PACRG: variants seen among roughly 807,000 people sequenced by gnomAD.
PACRG encodes the protein parkin coregulated gene protein.
A neutral mutation model predicts 29.7 loss-of-function variants in PACRG; 29 were observed. The ratio of observed to expected loss-of-function variants is 0.98; its 90% CI spans 0.73 to 1.33. PACRG has a LOEUF of 1.33. Ranked by LOEUF, PACRG falls within the 40% of genes most tolerant of loss-of-function variation. PACRG has a pLI of 0.00. For missense variants in PACRG, 279 were observed against 316.2 expected (o/e 0.88, Z 0.89); for synonymous variants, 116 against 118.7 (o/e 0.98, Z 0.15).
chr6:162,888,338 C>T (rs1024361342), intron 2 of PACRG, among the ~76,000 whole-genome samples: 1 of 152,138 alleles, frequency 6.6e-6, no homozygotes, highest in African/African-American at 2.4e-5. Flanking sequence ...CACGTGGTGC[C>T]AACCTAAGAC....
At chr6:163,264,178 G>C (rs535296682) in intron 4 of PACRG, among the ~76,000 whole-genome samples, 2 of 152,300 alleles carry the variant, frequency 1.3e-5, no homozygotes, top group East Asian at 3.9e-4. Flanking sequence ...AACTTCTCAC[G>C]TCGAATCATT....
chr6:163,225,915 A>C (rs577611490), intron 4 of PACRG, among the ~76,000 whole-genome samples: 6 of 152,304 alleles, frequency 3.9e-5, no homozygotes, highest in Non-Finnish European at 7.4e-5. Context: ...ACAGTGGCTC[A>C]TGCCTGTAAT....
At chr6:162,752,465 A>G (rs757771237) in intron 1 of PACRG, among the ~76,000 whole-genome samples, 27 of 152,186 alleles carry the variant, frequency 1.8e-4, no homozygotes, top group Non-Finnish European at 3.8e-4. Flanking sequence ...AATTTTCTGG[A>G]GGTTTCCATT....
chr6:162,835,868 G>A (rs902030043), intron 2 of PACRG, among the ~76,000 whole-genome samples: 12 of 152,116 alleles, frequency 7.9e-5, no homozygotes, highest in African/African-American at 2.2e-4. Flanking sequence ...AAATTGTAAT[G>A]AAAAGAATCA....
At chr6:163,269,890 AAAAC>A (rs1783699358) in intron 4 of PACRG, among the ~76,000 whole-genome samples, 1 of 23,816 alleles carries the variant, frequency 4.2e-5, no homozygotes, top group Non-Finnish European at 8.5e-5. Context: ...AGAAAGAAAG[AAAAC>A]AAAGAAAGAA....
chr6:163,199,234 A>C (rs1357071328), intron 4 of PACRG, among the ~76,000 whole-genome samples: 2 of 152,224 alleles, frequency 1.3e-5, no homozygotes, highest in Non-Finnish European at 2.9e-5. Context: ...AGCTCTGAGT[A>C]CTTAAAGAAT....
At chr6:163,045,149 G>T (rs943936287) in intron 2 of PACRG, among the ~76,000 whole-genome samples, 4 of 152,116 alleles carry the variant, frequency 2.6e-5, no homozygotes, top group African/African-American at 7.2e-5. Context: ...TGTGTTGTGG[G>T]TTCTCAGGAA....
At chr6:163,234,486 G>T (rs1001636886) in intron 4 of PACRG, among the ~76,000 whole-genome samples, 1 of 152,166 alleles carries the variant, frequency 6.6e-6, no homozygotes, top group Admixed American at 6.5e-5. Flanking sequence ...AGAAGCAGAT[G>T]CTGGTGCCAT....
intron 4 of PACRG, among the ~76,000 whole-genome samples, chr6:163,245,583 A>G (rs1427708130): frequency 1.3e-5 from 2 of 152,078 alleles, no homozygotes; most frequent in Non-Finnish European, 2.9e-5. Flanking sequence ...CTCTTCTCCT[A>G]TTTATCTGCA....
chr6:163,007,545 G>A (rs544957386), intron 2 of PACRG, among the ~76,000 whole-genome samples: 3 of 152,204 alleles, frequency 2.0e-5, no homozygotes, highest in African/African-American at 7.2e-5. Context: ...CTCAGCTTGG[G>A]AGACCACTGG....
chr6:163,141,009 A>G (rs1344382525), intron 4 of PACRG, among the ~76,000 whole-genome samples: 1 of 152,164 alleles, frequency 6.6e-6, no homozygotes, highest in Non-Finnish European at 1.5e-5. Context: ...AAATATGTAA[A>G]TTGTATCCTA....
intron 2 of PACRG, chr6:163,042,755 C>T (rs555323551): frequency 4.6e-5 from 7 of 151,128 alleles, no homozygotes; most frequent in South Asian, 2.1e-4. Context: ...GAGTGGCCTA[C>T]GGGTAAACTA....
chr6:163,169,835 G>A (rs2128346297), intron 4 of PACRG, among the ~76,000 whole-genome samples: 1 of 152,340 alleles, frequency 6.6e-6, no homozygotes, highest in Non-Finnish European at 1.5e-5. Context: ...CACAACACTC[G>A]TGTCCTTTCT....
In PACRG at chr6:162,945,798, T is replaced by C. The variant is rs1376463054; in HGVS notation, c.292-116352T>C. Among the ~76,000 whole-genome samples the C allele has an allele frequency of 2.0e-5, 3 of 152,204 alleles. No individual in the cohort carries two copies. The East Asian group carries it at 5.8e-4, about 29-fold the overall frequency. ...TTAAAAATTGAAATCATGTCAAGTA[T>C]TTTCTTAGACCACAATGAAATCAAA... On this transcript the variant is annotated intron_variant, in intron 2 of 4. Coordinates refer to ENST00000366888, the MANE Select transcript of PACRG (RefSeq NM_001080379.2).
intron 2 of PACRG, among the ~76,000 whole-genome samples, chr6:162,910,895 C>T (rs1468371068): frequency 1.3e-5 from 2 of 152,118 alleles, no homozygotes; most frequent in Non-Finnish European, 2.9e-5. Context: ...GCAACTTTCT[C>T]ACCTTCCGGC....
intron 1 of PACRG, among the ~76,000 whole-genome samples, chr6:162,749,107 TC>T (rs147427196): frequency 0.069 from 10,438 of 152,292 alleles, 1,156 homozygotes; most frequent in African/African-American, 0.23. Flanking sequence ...AATACTTTAT[TC>T]CTTTTTATTG....
chr6:162,731,835 A>G (rs1466018342), intron 1 of PACRG, among the ~76,000 whole-genome samples: 2 of 152,184 alleles, frequency 1.3e-5, no homozygotes, highest in African/African-American at 4.8e-5. Context: ...AACACTGACC[A>G]AATAACAATA....
At chr6:163,042,781 T>C (rs564704616) in intron 2 of PACRG, 3 of 152,158 alleles carry the variant, frequency 2.0e-5, no homozygotes, top group African/African-American at 7.2e-5. Context: ...GCAGAGATTC[T>C]ACTACACAGA....
intron 2 of PACRG, among the ~76,000 whole-genome samples, chr6:162,835,375 T>C (rs1789132322): frequency 6.6e-6 from 1 of 152,132 alleles, no homozygotes; most frequent in Non-Finnish European, 1.5e-5. Flanking sequence ...ATCTGGTCCT[T>C]CTCCCTACTC....
Sources: allele counts gnomAD v4.1 joint callset (sites outside exome capture counted in the v4.1 genomes callset), GRCh38; gene constraint gnomAD v4.1.1; transcripts MANE v1.5; gene names NCBI Gene and HGNC (gene_info 2026-07-23, HGNC 2026-07-21).